The following WDFY4 variants were observed in gnomAD, a reference collection of about 807,000 sequenced individuals.
WDFY4 encodes the protein WDFY family member 4, also known as WD repeat- and FYVE domain-containing protein 4.
WDFY4 carries 169 observed loss-of-function variants against 351.9 expected under a neutral mutation model. That is an observed-to-expected ratio of 0.48 (90% CI 0.42 to 0.55). The LOEUF (loss-of-function observed/expected upper bound fraction) is 0.55, where lower values mean the gene tolerates loss of function less well. Ranked by LOEUF, WDFY4 falls within the 20% of genes least tolerant of loss-of-function variation. The pLI is 0.00. For synonymous variants in WDFY4, 1,622 were observed against 1,574.6 expected, an observed-to-expected ratio of 1.03 and a Z score of -0.71; for missense variants, 3,803 against 3,935.6, an observed-to-expected ratio of 0.97 and a Z score of 0.90.
intron 46 of WDFY4, among the ~76,000 whole-genome samples, chr10:48,900,945 G>A (rs1837320548): frequency 6.6e-6 from 1 of 152,210 alleles, no homozygotes; most frequent in African/African-American, 2.4e-5. Flanking sequence ...ATAGACCACA[G>A]AGAGGCTGAT....
At chr10:48,784,059 T>C (rs1332650902) in intron 19 of WDFY4, among the ~76,000 whole-genome samples, 1 of 152,248 alleles carries the variant, frequency 6.6e-6, no homozygotes, top group Non-Finnish European at 1.5e-5. Flanking sequence ...TTTCAAGGTA[T>C]GGATGTGCCA....
chr10:48,781,268 A>ATATATATATATGTGTGTGTGTGTG (rs1565190597), intron 19 of WDFY4, among the ~76,000 whole-genome samples: 9 of 150,224 alleles, frequency 6.0e-5, no homozygotes, highest in African/African-American at 2.0e-4. Flanking sequence ...GTGTGTGTGT[A>ATATATATATATGTGTGTGTGTGTG]TATATATATA....
Position 48,941,740 on chromosome 10 carries a change from A to T in WDFY4, c.7587-66A>T, listed in dbSNP as rs966867325. 2.6e-6 allele frequency: 4 copies of T among 1,521,254 alleles called. No homozygotes were observed. The African/African-American group carries it at 5.5e-5, about 21-fold the overall frequency. The allele number at this position is 1,521,254 out of a possible 1,614,324, so 94.2% of individuals were successfully genotyped here. Reference sequence around the variant, plus strand: ...GTCCCGTGAAGCCCAGGCAAGCCCCACCTCTCCCCTGTTTGTATTCTTGCC... The same window carrying T: ...GTCCCGTGAAGCCCAGGCAAGCCCCTCCTCTCCCCTGTTTGTATTCTTGCC... On this transcript the variant is annotated intron_variant, in intron 47 of 61. Transcript: ENST00000325239.
intron 47 of WDFY4, among the ~76,000 whole-genome samples, chr10:48,924,853 A>G (rs1477728836): frequency 6.6e-6 from 1 of 152,236 alleles, no homozygotes; most frequent in Admixed American, 6.5e-5. Flanking sequence ...CTTCACACTC[A>G]TGTATCTTTG....
At chr10:48,939,267 A>G (rs1485581404) in intron 47 of WDFY4, among the ~76,000 whole-genome samples, 3 of 152,230 alleles carry the variant, frequency 2.0e-5, no homozygotes, top group African/African-American at 7.2e-5. Flanking sequence ...CAATGTCAAC[A>G]TCGCCAGGAC....
chr10:48,957,346 G>C, intron 52 of WDFY4, 64 bp downstream of exon 52: 2 of 1,524,916 alleles, frequency 1.3e-6, no homozygotes, highest in Non-Finnish European at 1.8e-6. Flanking sequence ...CACAGCCCCT[G>C]GGTGATGACC....
At chr10:48,822,076 C>T (rs1388616575) in intron 34 of WDFY4, among the ~76,000 whole-genome samples, 1 of 152,178 alleles carries the variant, frequency 6.6e-6, no homozygotes, top group Non-Finnish European at 1.5e-5. Flanking sequence ...ATCATGATGC[C>T]TGCTCATTTG....
intron 47 of WDFY4, among the ~76,000 whole-genome samples, chr10:48,912,999 T>C (rs549099398): frequency 3.9e-5 from 6 of 152,316 alleles, no homozygotes; most frequent in African/African-American, 1.4e-4. Context: ...AACATTTCCA[T>C]TAAATAACTT....
At chr10:48,932,584 G>A (rs1840080174) in intron 47 of WDFY4, 1 of 151,578 alleles carries the variant, frequency 6.6e-6, no homozygotes, top group African/African-American at 2.4e-5. Flanking sequence ...CAGTGGATAT[G>A]CAGTGAGCAA....
At chr10:48,782,126 C>T (rs892288260) in intron 19 of WDFY4, among the ~76,000 whole-genome samples, 4 of 152,178 alleles carry the variant, frequency 2.6e-5, no homozygotes, top group African/African-American at 7.2e-5. Context: ...GGTAGAGACA[C>T]GGAACAGGGC....
intron 1 of WDFY4, among the ~76,000 whole-genome samples, chr10:48,698,143 G>A (rs1232817264): frequency 5.3e-5 from 8 of 152,304 alleles, no homozygotes; most frequent in East Asian, 1.9e-4. Flanking sequence ...TTTTTCAGAC[G>A]AGGATTGGCA....
chr10:48,814,998 G>A (rs2067573789), intron 31 of WDFY4, among the ~76,000 whole-genome samples: 1 of 152,202 alleles, frequency 6.6e-6, no homozygotes, highest in African/African-American at 2.4e-5. Flanking sequence ...AATTGATGTT[G>A]TTTTACAGAG....
intron 49 of WDFY4, among the ~76,000 whole-genome samples, chr10:48,945,785 T>C (rs555318252): frequency 6.6e-6 from 1 of 152,378 alleles, no homozygotes; most frequent in Non-Finnish European, 1.5e-5. Context: ...GGCCATGTTC[T>C]GATTTGGGTC....
chr10:48,899,209 C>T (rs1244487844), intron 45 of WDFY4, among the ~76,000 whole-genome samples: 1 of 152,132 alleles, frequency 6.6e-6, no homozygotes, highest in Non-Finnish European at 1.5e-5. Flanking sequence ...CAGAGCTTGG[C>T]ACTCAAGGTA....
intron 1 of WDFY4, among the ~76,000 whole-genome samples, chr10:48,695,716 G>T (rs1256756665): frequency 1.3e-5 from 2 of 152,084 alleles, no homozygotes; most frequent in Non-Finnish European, 2.9e-5. Context: ...TTTCCACAGG[G>T]ACTGGGGCTT....
Position 48,774,582 on chromosome 10 carries a change from C to T in WDFY4, c.2678C>T (p.Ala893Val). ...LGTLMASCHR[A>V]LVTSGSPLHS... ...ACCCTCATGGCCTCCTGCCACAGGG[C>T]CCTGGTCACCAGTGGCAGCCCCCTC... The change falls in exon 14 of 62, where the codon GCC becomes GTC. Residue 893 changes from alanine (A) to valine (V), a missense_variant. By Grantham distance (64) the Ala-to-Val change is moderately conservative. This residue lies in a region of WDFY4 where 3,054 missense variants were observed against 3,148.6 expected (regional missense o/e 0.97). Transcript: ENST00000325239. The T allele has an allele frequency of 6.4e-7, 1 of 1,551,628 alleles. No individual in the cohort carries two copies. The highest frequency in any genetic ancestry group is 1.2e-5 in the South Asian group (1 of 84,040).
At chr10:48,862,125 T>A (rs1435790708) in intron 39 of WDFY4, among the ~76,000 whole-genome samples, 2 of 152,244 alleles carry the variant, frequency 1.3e-5, no homozygotes, top group Admixed American at 6.5e-5. Context: ...TGCTTTAAAA[T>A]CTTTGTCAAA....
At chr10:48,893,852 C>T (rs56367434) in intron 44 of WDFY4, among the ~76,000 whole-genome samples, 9,054 of 152,246 alleles carry the variant, frequency 0.059, 339 homozygotes, top group Middle Eastern at 0.085. Flanking sequence ...GACAGTTATC[C>T]TAAGCACATG....
At chr10:48,981,277 CGTAT>C (rs1842794287) in intron 60 of WDFY4, 86 bp from the exon 61 acceptor site, 7 of 1,003,198 alleles carry the variant, frequency 7.0e-6, no homozygotes, top group Admixed American at 2.2e-5. Context: ...TAAATATGTG[CGTAT>C]GTGTTTGCGG....
Sources: gnomAD v4.1 joint callset for allele counts (sites outside exome capture counted in the v4.1 genomes callset) on GRCh38, gnomAD v4.1.1 for gene constraint, gnomAD v4.1.1 regional missense constraint, MANE v1.5 for transcripts, NCBI Gene and HGNC (gene_info 2026-07-23, HGNC 2026-07-21) for gene names.